Variants in PRKAG2 observed in about 807,000 individuals in gnomAD.
The protein encoded by PRKAG2 is 5'-AMP-activated protein kinase subunit gamma-2.
PRKAG2 carries 26 observed loss-of-function variants against 69.6 expected under a neutral mutation model. The observed-to-expected ratio is 0.37, with a 90% CI of 0.27 to 0.52. The LOEUF (loss-of-function observed/expected upper bound fraction) is 0.52, where lower values mean the gene tolerates loss of function less well. Among genes scored for constraint, PRKAG2 ranks in the 20% least tolerant of loss-of-function variants. The pLI is 0.90. For missense variants in PRKAG2, 557 were observed against 740.0 expected (o/e 0.75, Z 2.87); for synonymous variants, 293 against 285.0 (o/e 1.03, Z -0.28).
At chr7:151,644,982 G>A (rs1227366285) in intron 4 of PRKAG2, among the ~76,000 whole-genome samples, 1 of 152,112 alleles carries the variant, frequency 6.6e-6, no homozygotes, top group Non-Finnish European at 1.5e-5. Flanking sequence ...TTTGTGAAGT[G>A]ACTGTACACA....
intron 3 of PRKAG2, among the ~76,000 whole-genome samples, chr7:151,698,840 G>C (rs1424355348): frequency 6.6e-6 from 1 of 152,182 alleles, no homozygotes; most frequent in African/African-American, 2.4e-5. Flanking sequence ...ACAGGCAGGG[G>C]AATGGGTGCA....
chr7:151,857,300 C>T (rs2079807400), intron 1 of PRKAG2, among the ~76,000 whole-genome samples: 2 of 151,266 alleles, frequency 1.3e-5, no homozygotes, highest in African/African-American at 4.8e-5. Context: ...ATCACTGAGC[C>T]CTACAGAGTT....
rs911268744 is a variant in PRKAG2, at chr7:151,684,203, C to T, written c.467-8566G>A. Among the ~76,000 whole-genome samples, 19 of 152,248 alleles carry T rather than the reference C, an allele frequency of 1.2e-4. 1 individual carries two copies. Among genetic ancestry groups the T allele is most frequent in the Admixed American group, 7.8e-4 (12 of 15,302 alleles). ...TGCCTCCAGCAACTCCTCTTCCCCT[C>T]GTCGCTCCAGGCCTGGGCGGTAATG... is the stretch of plus-strand genomic sequence containing the variant. On this transcript the variant is annotated intron_variant, in intron 3 of 15. Coordinates refer to ENST00000287878, the MANE Select transcript of PRKAG2 (RefSeq NM_016203.4).
intron 1 of PRKAG2, among the ~76,000 whole-genome samples, chr7:151,829,242 C>T (rs979643668): frequency 3.9e-5 from 6 of 152,192 alleles, no homozygotes; most frequent in Non-Finnish European, 7.3e-5. Flanking sequence ...GAAAGATTCA[C>T]GAATGATCAA....
chr7:151,750,401 T>A (rs569317967), intron 3 of PRKAG2, among the ~76,000 whole-genome samples: 1 of 152,314 alleles, frequency 6.6e-6, no homozygotes, highest in Admixed American at 6.5e-5. Flanking sequence ...TATTCTACAA[T>A]GGAATATTAT....
intron 4 of PRKAG2, among the ~76,000 whole-genome samples, chr7:151,655,494 A>G (rs1377897062): frequency 6.6e-6 from 1 of 152,158 alleles, no homozygotes; most frequent in Non-Finnish European, 1.5e-5. Context: ...TAGTTTAGCA[A>G]TGGTAAGGAG....
rs2079547543 is a variant in PRKAG2, at chr7:151,850,692, TCCACCCGCC to T, written c.114+25806_114+25814del. Among the ~76,000 whole-genome samples, 1 of 152,168 alleles carries T rather than the reference TCCACCCGCC, an allele frequency of 6.6e-6. No homozygotes were observed. The highest frequency in any genetic ancestry group is 1.5e-5 in the Non-Finnish European group (1 of 68,028). ...ACATGGCCCTTGTGCCCCACCAGCA[TCCACCCGCC>T]CCACCGGCTTCTGCCAGAGGGAGGA... On this transcript the variant is annotated intron_variant, in intron 1 of 15. Transcript: ENST00000287878. This position sits in a 1 kb window ranked among gnomAD's most constrained non-coding sequence, Gnocchi z 4.1.
intron 4 of PRKAG2, among the ~76,000 whole-genome samples, chr7:151,673,838 C>CTTTT (rs57744338): frequency 1.1e-3 from 99 of 87,548 alleles, no homozygotes; most frequent in Non-Finnish European, 1.5e-3. Flanking sequence ...AGCTTGTGTT[C>CTTTT]TTTTTTTTTT....
chr7:151,617,601 T>C (rs886494006), intron 5 of PRKAG2, among the ~76,000 whole-genome samples: 1 of 152,240 alleles, frequency 6.6e-6, no homozygotes, highest in African/African-American at 2.4e-5. Flanking sequence ...TTATTATTGT[T>C]GTTAATAGCA....
At chr7:151,717,849 G>C (rs1267532938) in intron 3 of PRKAG2, among the ~76,000 whole-genome samples, 1 of 152,214 alleles carries the variant, frequency 6.6e-6, no homozygotes, top group Admixed American at 6.5e-5. Context: ...CACCAGGAAA[G>C]CATCTCCTCA....
At chr7:151,739,020 A>G (rs144543005) in intron 3 of PRKAG2, among the ~76,000 whole-genome samples, 1,625 of 152,218 alleles carry the variant, frequency 0.011, 30 homozygotes, top group Non-Finnish European at 0.016. Flanking sequence ...TGCCACTCCC[A>G]TGGGGCCTCC....
chr7:151,610,734 C>CTT (rs1289016035), intron 5 of PRKAG2, among the ~76,000 whole-genome samples: 1 of 93,452 alleles, frequency 1.1e-5, no homozygotes, highest in African/African-American at 3.9e-5. Flanking sequence ...AATATTTTTT[C>CTT]TTTTCTTTTT....
chr7:151,690,434 T>C (rs6980380), intron 3 of PRKAG2, among the ~76,000 whole-genome samples: 24,772 of 152,138 alleles, frequency 0.16, 2,116 homozygotes, highest in Middle Eastern at 0.25. Context: ...TTTCTACACA[T>C]TGCTCTTCCC....
chr7:151,741,897 C>T (rs986224775), intron 3 of PRKAG2, among the ~76,000 whole-genome samples: 2 of 152,248 alleles, frequency 1.3e-5, no homozygotes, highest in Non-Finnish European at 2.9e-5. Flanking sequence ...AATTCCTGTC[C>T]TCTAAGAACC....
intron 3 of PRKAG2, among the ~76,000 whole-genome samples, chr7:151,742,347 A>T (rs1476219553): frequency 6.6e-6 from 1 of 152,158 alleles, no homozygotes; most frequent in African/African-American, 2.4e-5. Flanking sequence ...CATGTTTAAA[A>T]ATCCTGACTG....
At position 151,868,333 on chromosome 7, in the gene PRKAG2, A is replaced by G. The variant is rs572162730; in HGVS notation, c.114+8174T>C. Among the ~76,000 whole-genome samples the G allele has an allele frequency of 4.6e-5, 7 of 152,358 alleles. No individual in the cohort carries two copies. The East Asian group carries it at 1.2e-3, about 25-fold the overall frequency. On this transcript the variant is annotated intron_variant, in intron 1 of 15. Transcript: ENST00000287878. The stretch of plus-strand genomic sequence containing the variant: ...TACTGGGGAAGCTCAGCTCGTTAAT[A>G]GCTAACCCCTTCCTCTGGTCTGGGG...
chr7:151,846,688 GTGTT>G (rs1381339100), intron 1 of PRKAG2, among the ~76,000 whole-genome samples: 3 of 152,144 alleles, frequency 2.0e-5, no homozygotes, highest in Admixed American at 1.3e-4. Context: ...ATGTGGATGA[GTGTT>G]TGGACGTGTA....
intron 5 of PRKAG2, among the ~76,000 whole-genome samples, chr7:151,598,799 C>T (rs1011310522): frequency 1.4e-4 from 21 of 152,024 alleles, no homozygotes; most frequent in African/African-American, 4.6e-4. Context: ...TATACAAATG[C>T]TTTCAAAAAT....
intron 1 of PRKAG2, among the ~76,000 whole-genome samples, chr7:151,802,585 G>A (rs75964955): frequency 0.018 from 2,798 of 152,308 alleles, 79 homozygotes; most frequent in African/African-American, 0.064. Context: ...ATGGCTTAAA[G>A]GGCAGAATCA....
Sources: gnomAD v4.1 joint callset for allele counts (sites outside exome capture counted in the v4.1 genomes callset) on GRCh38, gnomAD v4.1.1 for gene constraint, Gnocchi (gnomAD v3.1) non-coding constraint, MANE v1.5 for transcripts, NCBI Gene and HGNC (gene_info 2026-07-23, HGNC 2026-07-21) for gene names.